Variants in ANO6 observed in about 807,000 individuals in gnomAD.
The protein encoded by ANO6 is anoctamin-6.
ANO6 carries 106 observed loss-of-function variants against 117.5 expected under a neutral mutation model. The ratio of observed to expected loss-of-function variants is 0.90; its 90% confidence interval spans 0.77 to 1.06. ANO6 has a LOEUF of 1.06. Ranked by LOEUF, ANO6 falls within the 50% of genes least tolerant of loss-of-function variation. The pLI, the probability that ANO6 is intolerant of heterozygous loss-of-function variation, is 0.00. For synonymous variants in ANO6, 367 were observed against 385.1 expected, an observed-to-expected ratio of 0.95 and a Z score of 0.55; for missense variants, 955 against 1,121.1, an observed-to-expected ratio of 0.85 and a Z score of 2.12.
At chr12:45,268,839 C>CT (rs1938300824) in intron 1 of ANO6, among the ~76,000 whole-genome samples, 1 of 152,228 alleles carries the variant, frequency 6.6e-6, no homozygotes, top group Non-Finnish European at 1.5e-5. Flanking sequence ...CGGGCATAGA[C>CT]TATTTTTAGC....
chr12:45,302,869 T>C (rs1222196395), intron 2 of ANO6, among the ~76,000 whole-genome samples: 1 of 152,200 alleles, frequency 6.6e-6, no homozygotes, highest in Non-Finnish European at 1.5e-5. Context: ...CATTTCCTGA[T>C]TTTTGTCCCT....
intron 1 of ANO6, among the ~76,000 whole-genome samples, chr12:45,281,534 A>G (rs1025965582): frequency 2.6e-5 from 4 of 152,290 alleles, no homozygotes; most frequent in Middle Eastern, 3.4e-3. Context: ...GAGCAGGAGC[A>G]AGAGAGAGAG....
chr12:45,254,466 C>T (rs1937739618), intron 1 of ANO6, among the ~76,000 whole-genome samples: 1 of 152,196 alleles, frequency 6.6e-6, no homozygotes, highest in Non-Finnish European at 1.5e-5. Context: ...GTCCTGTTTT[C>T]TGTCTCCTAG....
At chr12:45,262,565 C>T (rs1938075806) in intron 1 of ANO6, among the ~76,000 whole-genome samples, 1 of 152,132 alleles carries the variant, frequency 6.6e-6, no homozygotes, top group Non-Finnish European at 1.5e-5. Flanking sequence ...GCTGGGATTA[C>T]AGGTGTGTGC....
At chr12:45,244,408 G>GT (rs1197418048) in intron 1 of ANO6, among the ~76,000 whole-genome samples, 2 of 148,768 alleles carry the variant, frequency 1.3e-5, no homozygotes, top group Non-Finnish European at 3.0e-5. Flanking sequence ...CTATTTGGGG[G>GT]GGGGGGGTGG....
chr12:45,318,724 A>T (rs1320813338), intron 2 of ANO6, among the ~76,000 whole-genome samples: 1 of 152,016 alleles, frequency 6.6e-6, no homozygotes, highest in African/African-American at 2.4e-5. Flanking sequence ...CAGTATGGCC[A>T]TTTTCATGAT....
chr12:45,378,094 A>T lies in ANO6; in HGVS notation c.1146A>T (p.Ala382=). ...ACAGTTTTGGAACCCTGGTCTTTGC[A>T]GTATTTATGGGAGTATGGGGTAAGT... ...IFDSFGTLVF[A]VFMGVWVTLF... is the part of the protein sequence containing the mutation. Residue 382 remains alanine (A), a synonymous_variant, in exon 10 of 20, where the codon GCA becomes GCT. Coordinates refer to ENST00000320560, the MANE Select transcript of ANO6 (RefSeq NM_001025356.3). 6.2e-7 allele frequency: 1 copy of T among 1,605,872 alleles called. No homozygotes were observed. Among genetic ancestry groups the T allele is most frequent in the Non-Finnish European group, 8.5e-7 (1 of 1,176,420 alleles).
At chr12:45,315,195 A>G (rs1044336192) in intron 2 of ANO6, among the ~76,000 whole-genome samples, 3 of 152,120 alleles carry the variant, frequency 2.0e-5, no homozygotes, top group South Asian at 2.1e-4. Context: ...ACAACTTGTG[A>G]TGCAGCTATT....
At chr12:45,227,647 A>G (rs1487824346) in intron 1 of ANO6, among the ~76,000 whole-genome samples, 3 of 151,950 alleles carry the variant, frequency 2.0e-5, no homozygotes, top group Non-Finnish European at 4.4e-5. Flanking sequence ...TAAAACTGTC[A>G]TGGAAACTGC....
chr12:45,333,057 A>G (rs978171654), intron 3 of ANO6, among the ~76,000 whole-genome samples: 1 of 152,022 alleles, frequency 6.6e-6, no homozygotes, highest in Admixed American at 6.6e-5. Context: ...TTATTAATAC[A>G]TAAAATATTG....
chr12:45,225,140 A>G (rs1331772922), intron 1 of ANO6, among the ~76,000 whole-genome samples: 1 of 147,322 alleles, frequency 6.8e-6, no homozygotes, highest in East Asian at 2.1e-4. Flanking sequence ...GTGAGCTGTC[A>G]TTGTGCCACT....
chr12:45,274,690 G>T (rs187948433), intron 1 of ANO6, among the ~76,000 whole-genome samples: 2 of 151,414 alleles, frequency 1.3e-5, no homozygotes, highest in Admixed American at 6.6e-5. Flanking sequence ...GTACTGTAAG[G>T]CCTCTGCTAC....
chr12:45,329,185 T>C (rs1487148150), intron 2 of ANO6, among the ~76,000 whole-genome samples: 1 of 152,202 alleles, frequency 6.6e-6, no homozygotes, highest in African/African-American at 2.4e-5. Context: ...ACTTCAGCAT[T>C]TTAACTATCT....
At chr12:45,216,507 C>CCAA in intron 1 of ANO6, 116 bp downstream of exon 1, 1 of 1,198,044 alleles carries the variant, frequency 8.3e-7, no homozygotes, top group Non-Finnish European at 1.2e-6. Flanking sequence ...AGACGCTCGG[C>CCAA]CGCTCCGGGC....
At chr12:45,216,711 G>A (rs1022516655) in intron 1 of ANO6, among the ~76,000 whole-genome samples, 1 of 152,262 alleles carries the variant, frequency 6.6e-6, no homozygotes, top group African/African-American at 2.4e-5. Flanking sequence ...CAACTTTGGG[G>A]TCACTTCCCC....
intron 7 of ANO6, among the ~76,000 whole-genome samples, chr12:45,352,091 T>C (rs1593002037): frequency 6.6e-6 from 1 of 152,126 alleles, no homozygotes; most frequent in Non-Finnish European, 1.5e-5. Flanking sequence ...CGTACCTGTT[T>C]TTTTATGGTG....
intron 2 of ANO6, among the ~76,000 whole-genome samples, chr12:45,308,568 A>G (rs556126569): frequency 1.3e-5 from 2 of 152,074 alleles, no homozygotes; most frequent in African/African-American, 4.8e-5. Context: ...AGCCTACTCA[A>G]TGGTAGTGGT....
intron 1 of ANO6, among the ~76,000 whole-genome samples, chr12:45,296,004 G>T (rs1338037464): frequency 6.6e-6 from 1 of 151,924 alleles, no homozygotes; most frequent in Non-Finnish European, 1.5e-5. Context: ...GGGACTACAG[G>T]CATGCACCAC....
chr12:45,253,626 C>T (rs948216743), intron 1 of ANO6, among the ~76,000 whole-genome samples: 5 of 151,978 alleles, frequency 3.3e-5, no homozygotes, highest in African/African-American at 1.2e-4. Context: ...GTTGTTCCAC[C>T]GATGTTACAT....
Sources: gnomAD v4.1 joint callset for allele counts (sites outside exome capture counted in the v4.1 genomes callset) on GRCh38, gnomAD v4.1.1 for gene constraint, MANE v1.5 for transcripts, NCBI Gene and HGNC (gene_info 2026-07-23, HGNC 2026-07-21) for gene names.